The following KSR2 variants were observed in gnomAD, a reference collection of about 807,000 sequenced individuals.
The protein encoded by KSR2 is kinase suppressor of ras 2.
Under a neutral mutation model 107.8 loss-of-function variants are expected in KSR2, and 25 were observed. The observed-to-expected ratio is 0.23, with a 90% CI of 0.17 to 0.32. The LOEUF (loss-of-function observed/expected upper bound fraction) is 0.32, where lower values mean the gene tolerates loss of function less well. Among genes scored for constraint, KSR2 ranks in the 10% least tolerant of loss-of-function variants. The pLI is 1.00. For missense variants in KSR2, 887 were observed against 1,268.9 expected, an observed-to-expected ratio of 0.70 and a Z score of 4.57; for synonymous variants, 480 against 507.0, an observed-to-expected ratio of 0.95 and a Z score of 0.71.
intron 3 of KSR2, among the ~76,000 whole-genome samples, chr12:117,771,327 G>A (rs995756584): frequency 6.6e-6 from 1 of 152,088 alleles, no homozygotes; most frequent in African/African-American, 2.4e-5. Context: ...TGACCTGGAA[G>A]CCCCCTCCCT....
chr12:117,833,802 C>T (rs1201765905), intron 3 of KSR2, among the ~76,000 whole-genome samples: 1 of 152,004 alleles, frequency 6.6e-6, no homozygotes, highest in African/African-American at 2.4e-5. Context: ...TTGAACCCAC[C>T]TTGATGTCAT....
At chr12:117,580,392 C>A (rs1277389848) in intron 6 of KSR2, among the ~76,000 whole-genome samples, 17 of 152,120 alleles carry the variant, frequency 1.1e-4, no homozygotes, top group Non-Finnish European at 4.4e-5. Flanking sequence ...TGGGGAATGG[C>A]GGCGAAGGAG....
At chr12:117,511,936 A>G (rs1874048025) in intron 14 of KSR2, among the ~76,000 whole-genome samples, 1 of 148,992 alleles carries the variant, frequency 6.7e-6, no homozygotes, top group Non-Finnish European at 1.5e-5. Context: ...TGTTGCTGGG[A>G]AAGGATCTTC....
chr12:117,857,805 C>A (rs180909959), intron 2 of KSR2, among the ~76,000 whole-genome samples: 1 of 152,330 alleles, frequency 6.6e-6, no homozygotes, highest in East Asian at 1.9e-4. Context: ...AGGATTCAAA[C>A]CCAGCTGTTT....
intron 1 of KSR2, among the ~76,000 whole-genome samples, chr12:117,958,091 C>A (rs971185279): frequency 5.9e-5 from 9 of 152,158 alleles, no homozygotes; most frequent in Non-Finnish European, 1.3e-4. Context: ...CCTTGGCCCC[C>A]CAAAGTCCTG....
At chr12:117,586,060 GCAGT>G (rs1309091128) in intron 5 of KSR2, among the ~76,000 whole-genome samples, 1 of 152,212 alleles carries the variant, frequency 6.6e-6, no homozygotes, top group East Asian at 1.9e-4. Flanking sequence ...AATCACCTTA[GCAGT>G]CAGAGGGACA....
chr12:117,860,316 A>T lies in KSR2; in HGVS notation c.296T>A (p.Val99Asp). ...CTCCAGGACCTCCTTGCGCACATCG[A>T]CGATTCGGAACCAGTGCCGTAGCTG... ...FPQLRHWFRI[V>D]DVRKEVLEEI... The change falls in exon 2 of 20, where the codon GTC becomes GAC. Residue 99 changes from valine (V) to aspartate (D), a missense_variant. Transcript: ENST00000339824. The T allele has an allele frequency of 6.2e-7, 1 of 1,613,642 alleles. No individual in the cohort carries two copies. The highest frequency in any genetic ancestry group is 8.5e-7 in the Non-Finnish European group (1 of 1,179,616).
chr12:117,870,133 C>T (rs752093077), intron 1 of KSR2, among the ~76,000 whole-genome samples: 2 of 152,290 alleles, frequency 1.3e-5, no homozygotes, highest in African/African-American at 2.4e-5. Context: ...AGTTGGGCAT[C>T]GACCCCTCAG....
intron 3 of KSR2, among the ~76,000 whole-genome samples, chr12:117,798,877 T>C (rs1025608583): frequency 2.0e-5 from 3 of 152,158 alleles, no homozygotes; most frequent in Admixed American, 6.5e-5. Flanking sequence ...AGGTAGTATA[T>C]GCATACAGTG....
chr12:117,694,849 T>TAC (rs1565965213), intron 4 of KSR2, among the ~76,000 whole-genome samples: 16 of 123,000 alleles, frequency 1.3e-4, no homozygotes, highest in African/African-American at 5.3e-4. Context: ...ATGATTCTTT[T>TAC]TTTTTTTTTT....
intron 5 of KSR2, among the ~76,000 whole-genome samples, chr12:117,662,944 T>C (rs1236597039): frequency 6.6e-6 from 1 of 152,228 alleles, no homozygotes; most frequent in Non-Finnish European, 1.5e-5. Context: ...GGCTACTTTC[T>C]GCAACTGCCT....
At chr12:117,683,757 T>C (rs1226230330) in intron 4 of KSR2, among the ~76,000 whole-genome samples, 1 of 152,158 alleles carries the variant, frequency 6.6e-6, no homozygotes, top group Non-Finnish European at 1.5e-5. Flanking sequence ...AAGAGAGGAA[T>C]AAAGAAAGGG....
chr12:117,513,787 T>G (rs1874187710), intron 14 of KSR2, among the ~76,000 whole-genome samples: 2 of 152,242 alleles, frequency 1.3e-5, no homozygotes, highest in Non-Finnish European at 2.9e-5. Flanking sequence ...GACAGTCTCT[T>G]CCTAGCTTAT....
intron 5 of KSR2, among the ~76,000 whole-genome samples, chr12:117,610,430 T>G (rs1293019041): frequency 6.6e-6 from 1 of 152,110 alleles, no homozygotes; most frequent in African/African-American, 2.4e-5. Flanking sequence ...TGAGATACTA[T>G]GCAGCCATTA....
chr12:117,814,610 A>G (rs1377979687), intron 3 of KSR2, among the ~76,000 whole-genome samples: 1 of 152,112 alleles, frequency 6.6e-6, no homozygotes, highest in Non-Finnish European at 1.5e-5. Flanking sequence ...CCCTTTGGAG[A>G]TCTTATCTCC....
At chr12:117,696,647 G>A (rs940264809) in intron 4 of KSR2, among the ~76,000 whole-genome samples, 1 of 152,092 alleles carries the variant, frequency 6.6e-6, no homozygotes, top group Non-Finnish European at 1.5e-5. Context: ...ATTGCATTGG[G>A]TTGGATAGTG....
chr12:117,627,998 A>G (rs1200260394), intron 5 of KSR2, among the ~76,000 whole-genome samples: 2 of 152,068 alleles, frequency 1.3e-5, no homozygotes, highest in East Asian at 1.9e-4. Context: ...CGAATCAGCT[A>G]TTGAAGTTTG....
At chr12:117,879,002 C>T (rs1315115553) in intron 1 of KSR2, among the ~76,000 whole-genome samples, 1 of 152,110 alleles carries the variant, frequency 6.6e-6, no homozygotes, top group Non-Finnish European at 1.5e-5. Flanking sequence ...CCAGACAACA[C>T]GCCCACCGAA....
intron 4 of KSR2, among the ~76,000 whole-genome samples, chr12:117,677,452 A>C (rs947675269): frequency 3.9e-5 from 6 of 152,158 alleles, no homozygotes; most frequent in African/African-American, 1.4e-4. Flanking sequence ...ACACAGAGAG[A>C]GGCCTCAGGA....
Sources: allele counts gnomAD v4.1 joint callset (sites outside exome capture counted in the v4.1 genomes callset), GRCh38; gene constraint gnomAD v4.1.1; transcripts MANE v1.5; gene names NCBI Gene and HGNC (gene_info 2026-07-23, HGNC 2026-07-21).